Variants in AGK observed in about 807,000 individuals in gnomAD.
AGK encodes acylglycerol kinase, mitochondrial.
A neutral mutation model predicts 66.4 loss-of-function variants in AGK; 52 were observed. The observed-to-expected ratio is 0.78, with a 90% CI of 0.63 to 0.99. AGK has a LOEUF of 0.99. Ranked by LOEUF, AGK falls within the 50% of genes least tolerant of loss-of-function variation. The pLI, the probability that AGK is intolerant of heterozygous loss-of-function variation, is 0.00. For synonymous variants in AGK, 182 were observed against 181.1 expected (o/e 1.00, Z -0.04); for missense variants, 451 against 506.6 (o/e 0.89, Z 1.05).
chr7:141,562,465 C>T lies in AGK; in HGVS notation c.101+6898C>T, dbSNP rs145181786. Among the ~76,000 whole-genome samples the T allele has an allele frequency of 2.1e-4, 32 of 152,196 alleles. 1 individual carries two copies. Among genetic ancestry groups the T allele is most frequent in the Admixed American group, 4.6e-4 (7 of 15,276 alleles). On this transcript the variant is annotated intron_variant, in intron 2 of 15. Coordinates refer to ENST00000649286, the MANE Select transcript of AGK (RefSeq NM_018238.4). The stretch of plus-strand genomic sequence containing the variant: ...GCTACCAGGGCTCATAGAGAAATAC[C>T]TTCAGGTGGGGGCAGGGTTAGGTGG...
chr7:141,647,424 G>A (rs1399233254), intron 13 of AGK, among the ~76,000 whole-genome samples: 3 of 152,040 alleles, frequency 2.0e-5, no homozygotes, highest in Non-Finnish European at 2.9e-5. Context: ...CCAGCTACAC[G>A]GGCTTCCTTG....
chr7:141,587,409 T>A lies in AGK; in HGVS notation c.102-5737T>A, dbSNP rs529903580. On this transcript the variant is annotated intron_variant, in intron 2 of 15. Transcript: ENST00000649286. Reference sequence around the variant, plus strand: ...AAAATGTAAACCTGGTCACATCAATTCTCTTAAAACCTGTTAATGGCTCCT... The same window carrying A: ...AAAATGTAAACCTGGTCACATCAATACTCTTAAAACCTGTTAATGGCTCCT... 1.2e-3 allele frequency among the ~76,000 whole-genome samples: 179 copies of A among 152,218 alleles called. 1 individual carries two copies. The highest frequency in any genetic ancestry group is 4.1e-3 in the African/African-American group (171 of 41,534).
intron 2 of AGK, among the ~76,000 whole-genome samples, chr7:141,567,730 A>G (rs1428461802): frequency 6.6e-6 from 1 of 152,244 alleles, no homozygotes; most frequent in African/African-American, 2.4e-5. Flanking sequence ...TCGGTTTATC[A>G]TGTCAGCAGT....
At chr7:141,621,508 A>G (rs1346621698) in intron 8 of AGK, among the ~76,000 whole-genome samples, 1 of 152,152 alleles carries the variant, frequency 6.6e-6, no homozygotes, top group Non-Finnish European at 1.5e-5. Context: ...AGTGCCTTGT[A>G]TGAACTTCTC....
At chr7:141,649,219 C>G (rs1797491869) in intron 13 of AGK, 44 bp from the exon 14 acceptor site, 1 of 1,436,470 alleles carries the variant, frequency 7.0e-7, no homozygotes, top group Admixed American at 1.7e-5. Context: ...GCTGCATTAG[C>G]CAAATTTTAA....
At chr7:141,640,133 C>T (rs1258898521) in intron 11 of AGK, among the ~76,000 whole-genome samples, 1 of 152,140 alleles carries the variant, frequency 6.6e-6, no homozygotes, top group Non-Finnish European at 1.5e-5. Context: ...AATGCAGGAA[C>T]TAGGCAGATG....
chr7:141,551,946 G>C (rs1795099190), intron 1 of AGK, among the ~76,000 whole-genome samples: 1 of 152,140 alleles, frequency 6.6e-6, no homozygotes, highest in Admixed American at 6.5e-5. Flanking sequence ...GTCAAATTCA[G>C]TATCTCCTAA....
intron 2 of AGK, among the ~76,000 whole-genome samples, chr7:141,569,946 C>T (rs1795563509): frequency 6.6e-6 from 1 of 152,180 alleles, no homozygotes; most frequent in African/African-American, 2.4e-5. Context: ...CCAGTGGAGT[C>T]TGGGTTTAAG....
At position 141,574,450 on chromosome 7, in the gene AGK, C is replaced by G. The variant is rs114517890; in HGVS notation, c.102-18696C>G. Among the ~76,000 whole-genome samples, 672 of 152,180 alleles carry G rather than the reference C, an allele frequency of 4.4e-3. 6 individuals are homozygous for G. Among genetic ancestry groups the G allele is most frequent in the African/African-American group, 0.016 (645 of 41,514 alleles). ...AACAGAAATTGATATCTCGCGGAGA[C>G]CTGAGGCTAGGATAAGAGAGTGAAA... is the stretch of plus-strand genomic sequence containing the variant. On this transcript the variant is annotated intron_variant, in intron 2 of 15. Coordinates refer to ENST00000649286, the MANE Select transcript of AGK (RefSeq NM_018238.4).
chr7:141,571,317 G>A (rs916045927), intron 2 of AGK, among the ~76,000 whole-genome samples: 7 of 152,144 alleles, frequency 4.6e-5, no homozygotes, highest in Admixed American at 1.3e-4. Context: ...GCTATTCACA[G>A]TGTGGTCCCG....
At chr7:141,562,268 G>A (rs564622135) in intron 2 of AGK, among the ~76,000 whole-genome samples, 17 of 152,328 alleles carry the variant, frequency 1.1e-4, no homozygotes, top group Admixed American at 5.9e-4. Flanking sequence ...ATGAGTTGCG[G>A]TAATGTCCTG....
chr7:141,643,073 A>G (rs1208027394), intron 13 of AGK, among the ~76,000 whole-genome samples: 1 of 152,200 alleles, frequency 6.6e-6, no homozygotes, highest in African/African-American at 2.4e-5. Flanking sequence ...GAATGTCGTG[A>G]AAAGTTTGAT....
Position 141,652,923 on chromosome 7 carries a change from G to C in AGK, c.1268G>C (p.Ter423SerextTer12). 1 of 1,613,880 alleles carries C rather than the reference G, an allele frequency of 6.2e-7. No individual in the cohort carries two copies. Among genetic ancestry groups the C allele is most frequent in the South Asian group, 1.1e-5 (1 of 91,048 alleles). ...CAGATGCTCACAAGCCCCACCCAGT[G>C]AGCAGCAGAAGACAAGCACTCTGAG... is the stretch of plus-strand genomic sequence containing the variant. ...REQMLTSPTQ[*>S] is the part of the protein sequence containing the mutation. The change falls in exon 16 of 16, where the codon TGA (stop) becomes TCA (serine). Residue 423 changes from the stop codon to serine, a stop_lost. Transcript: ENST00000649286.
intron 2 of AGK, among the ~76,000 whole-genome samples, chr7:141,588,615 C>CG (rs1445786358): frequency 6.8e-6 from 1 of 146,514 alleles, no homozygotes; most frequent in African/African-American, 2.6e-5. Flanking sequence ...TACTTCGCCT[C>CG]GGAAAAAAAA....
At chr7:141,611,054 A>AT (rs1796575900) in intron 5 of AGK, 141 bp from the exon 6 acceptor site, 1 of 537,958 alleles carries the variant, frequency 1.9e-6, no homozygotes. Flanking sequence ...TTTGATAGCT[A>AT]TTTTTTTCAT....
rs1202167900 is a variant in AGK, at chr7:141,598,090, T to C, written c.221+1449T>C. 6.6e-6 allele frequency among the ~76,000 whole-genome samples: 1 copy of C among 152,080 alleles called. No homozygotes were observed. The highest frequency in any genetic ancestry group is 1.5e-5 in the Non-Finnish European group (1 of 68,004). The stretch of plus-strand genomic sequence containing the variant: ...ACACAGGGTCTCTGAAGTCAGTTTT[T>C]CTAGTCATTTCTTGAGAGGCAGTGA... On this transcript the variant is annotated intron_variant, in intron 4 of 15. Coordinates refer to ENST00000649286, the MANE Select transcript of AGK (RefSeq NM_018238.4). The surrounding 1 kb of genome is among the most constrained non-coding windows in gnomAD (Gnocchi z 4.2).
In AGK at chr7:141,653,647, T is replaced by G. The variant is rs1797618481; in HGVS notation, c.*723T>G. ...AAAGTCATCTGCCCTTCCCAGGTGA[T>G]TCTGTAAGTTGTCCCTCAACTGTAC... On this transcript the variant is annotated 3_prime_UTR_variant, in exon 16 of 16. Transcript: ENST00000649286. The G allele has an allele frequency of 6.6e-6, 1 of 152,196 alleles. No homozygotes were observed. Among genetic ancestry groups the G allele is most frequent in the Non-Finnish European group, 1.5e-5 (1 of 68,040 alleles). The allele number at this position is 152,196 out of a possible 1,614,324, so 9.4% of individuals were successfully genotyped here. A position where few individuals can be genotyped will look rare whatever the true frequency, so the allele number is the denominator to read the frequency against.
rs1797483263 is a variant in AGK, at chr7:141,648,998, C to T, written c.976-265C>T. 1.5e-5 allele frequency: 5 copies of T among 330,244 alleles called. No homozygotes were observed. In the South Asian group the frequency reaches 3.4e-4, roughly 23 times the overall value. The allele number at this position is 330,244 out of a possible 1,614,324, so 20.5% of individuals were successfully genotyped here. On this transcript the variant is annotated intron_variant, in intron 13 of 15. Coordinates refer to ENST00000649286, the MANE Select transcript of AGK (RefSeq NM_018238.4). ...TAGTGAGTGACAGAACGTCCAGAAC[C>T]TCCCACTCTGAGTTTTGTTTGCTTA...
At chr7:141,639,851 G>GT (rs1797249968) in intron 11 of AGK, among the ~76,000 whole-genome samples, 3 of 152,194 alleles carry the variant, frequency 2.0e-5, no homozygotes, top group Admixed American at 2.0e-4. Flanking sequence ...GAGCCATGAT[G>GT]TAAGAGTACA....
Sources: allele counts gnomAD v4.1 joint callset (sites outside exome capture counted in the v4.1 genomes callset), GRCh38; gene constraint gnomAD v4.1.1; non-coding constraint Gnocchi (gnomAD v3.1); transcripts MANE v1.5; gene names NCBI Gene and HGNC (gene_info 2026-07-23, HGNC 2026-07-21).